Variants in CSMD2 observed in about 807,000 individuals in gnomAD.
CSMD2 encodes the protein CUB and sushi domain-containing protein 2.
Under a neutral mutation model 398.5 loss-of-function variants are expected in CSMD2, and 130 were observed. That is an observed-to-expected ratio of 0.33 (90% CI 0.28 to 0.38). The LOEUF (loss-of-function observed/expected upper bound fraction) is 0.38. Among genes scored for constraint, CSMD2 ranks in the 10% least tolerant of loss-of-function variants. The probability of loss-of-function intolerance (pLI) is 1.00; values close to 1 mark genes in which losing one functional copy is unlikely to be tolerated. For missense variants in CSMD2, 3,829 were observed against 4,764.9 expected (o/e 0.80, Z 5.78); for synonymous variants, 1,828 against 1,908.5 (o/e 0.96, Z 1.10).
intron 1 of CSMD2, among the ~76,000 whole-genome samples, chr1:34,129,004 C>CA (rs747829739): frequency 2.2e-5 from 1 of 46,368 alleles, no homozygotes; most frequent in African/African-American, 9.9e-5. Flanking sequence ...TACATGTGTA[C>CA]CCCCCCCCAC....
intron 64 of CSMD2, among the ~76,000 whole-genome samples, chr1:33,527,644 T>C (rs1239728785): frequency 6.6e-6 from 1 of 152,200 alleles, no homozygotes; most frequent in African/African-American, 2.4e-5. Flanking sequence ...TGGTAGCAAC[T>C]GGAATATATA....
At chr1:33,795,909 T>C (rs1419537256) in intron 10 of CSMD2, among the ~76,000 whole-genome samples, 2 of 152,236 alleles carry the variant, frequency 1.3e-5, no homozygotes, top group Non-Finnish European at 2.9e-5. Context: ...CTCAGACCCC[T>C]CACAGTGGTT....
At chr1:33,682,062 G>A (rs1644925011) in intron 25 of CSMD2, among the ~76,000 whole-genome samples, 1 of 152,290 alleles carries the variant, frequency 6.6e-6, no homozygotes, top group East Asian at 1.9e-4. Flanking sequence ...TTCAATCAAT[G>A]TGTCAGTAGG....
intron 44 of CSMD2, chr1:33,591,827 A>C (rs1313274900): frequency 1.3e-5 from 2 of 151,788 alleles, no homozygotes; most frequent in African/African-American, 4.9e-5. Flanking sequence ...GAGTCTCACT[A>C]TGTTGCCCAG....
chr1:34,103,590 C>T (rs1179819816), intron 1 of CSMD2, among the ~76,000 whole-genome samples: 3 of 152,032 alleles, frequency 2.0e-5, no homozygotes, highest in South Asian at 2.1e-4. Flanking sequence ...CCACTGCGTC[C>T]GACCCTCCTT....
At chr1:33,904,601 C>G (rs1258104853) in intron 5 of CSMD2, among the ~76,000 whole-genome samples, 1 of 152,080 alleles carries the variant, frequency 6.6e-6, no homozygotes, top group Non-Finnish European at 1.5e-5. Flanking sequence ...ACTAAATAGC[C>G]AATGTGCTTA....
chr1:33,739,302 C>T lies in CSMD2; in HGVS notation c.2206G>A (p.Val736Ile), dbSNP rs140715485. The change falls in exon 15 of 71, where the codon GTT (valine) becomes ATT (isoleucine). Residue 736 changes from valine to isoleucine, a missense_variant. Val to Ile is a conservative substitution (Grantham distance 29). This residue lies in a region of CSMD2 where 2,001 missense variants were observed against 2,567.1 expected (regional missense o/e 0.78). Transcript: ENST00000373381. ...FRHNECPDPG[V>I]PVNGKRFGDS... is the part of the protein sequence containing the mutation. Reference sequence around the variant, plus strand: ...CCAAACCGTTTGCCATTTACTGGAACGCCAGGATCCGGGCACTCGTTGTGT... The same window carrying T: ...CCAAACCGTTTGCCATTTACTGGAATGCCAGGATCCGGGCACTCGTTGTGT... 663 of 1,613,882 alleles carry T rather than the reference C, an allele frequency of 4.1e-4. 1 individual carries two copies. In the African/African-American group the frequency reaches 7.2e-3, roughly 18 times the overall value.
At chr1:33,774,014 C>T (rs1272993543) in intron 12 of CSMD2, among the ~76,000 whole-genome samples, 2 of 151,948 alleles carry the variant, frequency 1.3e-5, no homozygotes, top group Non-Finnish European at 2.9e-5. Flanking sequence ...CTTTTATGGG[C>T]GGGCTCTTGA....
At chr1:34,073,868 G>A (rs1226593550) in intron 2 of CSMD2, among the ~76,000 whole-genome samples, 1 of 152,222 alleles carries the variant, frequency 6.6e-6, no homozygotes, top group Non-Finnish European at 1.5e-5. Flanking sequence ...AGTCCCACTG[G>A]CTGCACAGGA....
chr1:34,064,786 C>G (rs1423896641), intron 2 of CSMD2, among the ~76,000 whole-genome samples: 3 of 152,064 alleles, frequency 2.0e-5, no homozygotes, highest in Non-Finnish European at 4.4e-5. Flanking sequence ...AAGACATACC[C>G]GAGACTGGGA....
intron 41 of CSMD2, among the ~76,000 whole-genome samples, chr1:33,608,608 G>T (rs1026713122): frequency 6.6e-6 from 1 of 152,186 alleles, no homozygotes; most frequent in Admixed American, 6.5e-5. Flanking sequence ...GATCCAATAT[G>T]ACTGGTGTCT....
Position 34,018,922 on chromosome 1 carries a change from T to C in CSMD2, c.517+13672A>G, listed in dbSNP as rs541884321. Among the ~76,000 whole-genome samples, 27 of 152,380 alleles carry C rather than the reference T, an allele frequency of 1.8e-4. No homozygotes were observed. The South Asian group carries it at 5.4e-3, about 30-fold the overall frequency. ...CAAAGCTTGACACTGCTCCCTATTA[T>C]AGTGGAATATTTAATTTGGATCCAA... On this transcript the variant is annotated intron_variant, in intron 3 of 70. Coordinates refer to ENST00000373381, the MANE Select transcript of CSMD2 (RefSeq NM_001281956.2).
At position 33,954,406 on chromosome 1, in the gene CSMD2, G is replaced by C. The variant is rs180761807; in HGVS notation, c.518-18452C>G. On this transcript the variant is annotated intron_variant, in intron 3 of 70. Transcript: ENST00000373381. ...TGGGGGTGGCAGTTCTGTTGGTGGT[G>C]GGGGGAGGGAACACTGACTTAACTC... 2.0e-3 allele frequency among the ~76,000 whole-genome samples: 306 copies of C among 151,988 alleles called. 2 individuals carry two copies. Among genetic ancestry groups the C allele is most frequent in the African/African-American group, 5.7e-3 (238 of 41,416 alleles).
At chr1:33,935,013 T>TAAAAAAAAAA (rs537683892) in intron 4 of CSMD2, among the ~76,000 whole-genome samples, 3 of 42,322 alleles carry the variant, frequency 7.1e-5, no homozygotes, top group Admixed American at 5.9e-4. Flanking sequence ...CAAATAAAAT[T>TAAAAAAAAAA]AAAAAAAAAA....
intron 1 of CSMD2, among the ~76,000 whole-genome samples, chr1:34,137,078 C>T (rs1638826156): frequency 6.6e-6 from 1 of 152,120 alleles, no homozygotes; most frequent in Non-Finnish European, 1.5e-5. Flanking sequence ...AATACCCCAT[C>T]CACTTATTCA....
At chr1:33,839,734 T>C (rs1163624285) in intron 6 of CSMD2, 2 of 152,210 alleles carry the variant, frequency 1.3e-5, no homozygotes, top group Non-Finnish European at 2.9e-5. Flanking sequence ...GGAGTTACAA[T>C]TGAAAAAGAT....
In CSMD2 at chr1:33,835,420, C is replaced by T. The variant is rs1660093206; in HGVS notation, c.1034-9646G>A. On this transcript the variant is annotated intron_variant, in intron 6 of 70. Transcript: ENST00000373381. ...CGCAAGAACAAAAAACCAAACACTG[C>T]GTATTCTCACTCATAGTGGGGAACT... Among the ~76,000 whole-genome samples the T allele has an allele frequency of 4.0e-5, 2 of 50,008 alleles. 1 individual carries two copies. The highest frequency in any genetic ancestry group is 6.0e-5 in the Non-Finnish European group (2 of 33,594). The allele number at this position is 50,008 out of a possible 152,430, so 32.8% of individuals were successfully genotyped here. A position where few individuals can be genotyped will look rare whatever the true frequency, so the allele number is the denominator to read the frequency against.
At chr1:33,878,904 A>G (rs1474444001) in intron 5 of CSMD2, among the ~76,000 whole-genome samples, 2 of 152,212 alleles carry the variant, frequency 1.3e-5, no homozygotes, top group Non-Finnish European at 2.9e-5. Context: ...CAAAGAGAAT[A>G]TCTATTTATA....
At chr1:33,677,080 C>CA (rs1352098617) in intron 25 of CSMD2, among the ~76,000 whole-genome samples, 1 of 152,146 alleles carries the variant, frequency 6.6e-6, no homozygotes, top group African/African-American at 2.4e-5. Flanking sequence ...ACACCAAAAG[C>CA]AATGGGAACA....
Sources: allele counts gnomAD v4.1 joint callset (sites outside exome capture counted in the v4.1 genomes callset), GRCh38; gene constraint gnomAD v4.1.1; regional missense constraint gnomAD v4.1.1; transcripts MANE v1.5; gene names NCBI Gene and HGNC (gene_info 2026-07-23, HGNC 2026-07-21).